Variants in TTLL11 observed in about 807,000 individuals in gnomAD.
The protein encoded by TTLL11 is tubulin tyrosine ligase like 11, also known as tubulin polyglutamylase TTLL11.
Under a neutral mutation model 51.7 loss-of-function variants are expected in TTLL11, and 42 were observed. The observed-to-expected ratio is 0.81, with a 90% confidence interval of 0.64 to 1.05. The LOEUF (loss-of-function observed/expected upper bound fraction) is 1.05. Ranked by LOEUF, TTLL11 falls within the 50% of genes least tolerant of loss-of-function variation. TTLL11 has a pLI of 0.00. For synonymous variants in TTLL11, 381 were observed against 383.5 expected (o/e 0.99, Z 0.08); for missense variants, 799 against 940.4 (o/e 0.85, Z 1.97).
intron 8 of TTLL11, among the ~76,000 whole-genome samples, chr9:121,841,346 G>A (rs573602577): frequency 6.6e-6 from 1 of 152,254 alleles, no homozygotes; most frequent in African/African-American, 2.4e-5. Context: ...ACCCTCCAGC[G>A]CCCATTCAGA....
chr9:122,005,247 G>A (rs1843609668), intron 3 of TTLL11, among the ~76,000 whole-genome samples: 1 of 152,144 alleles, frequency 6.6e-6, no homozygotes, highest in South Asian at 2.1e-4. Context: ...TGGCCTGGAT[G>A]GTCTCTCAGG....
chr9:121,929,686 C>T (rs1840895382), intron 6 of TTLL11, among the ~76,000 whole-genome samples: 1 of 152,170 alleles, frequency 6.6e-6, no homozygotes, highest in South Asian at 2.1e-4. Context: ...CAAGGCAAGG[C>T]CTTAAGGACA....
chr9:121,987,157 AG>A (rs1188052664), intron 4 of TTLL11, among the ~76,000 whole-genome samples: 2 of 152,170 alleles, frequency 1.3e-5, no homozygotes, highest in African/African-American at 4.8e-5. Flanking sequence ...CATAAAATTC[AG>A]GGTAATGTCT....
chr9:122,077,650 C>T (rs948835808), intron 1 of TTLL11, among the ~76,000 whole-genome samples: 2 of 151,796 alleles, frequency 1.3e-5, no homozygotes, highest in Admixed American at 1.3e-4. Flanking sequence ...TAATCTAACA[C>T]ACATATGTAA....
chr9:122,090,559 C>T (rs771804022), intron 1 of TTLL11, among the ~76,000 whole-genome samples: 36 of 152,208 alleles, frequency 2.4e-4, no homozygotes, highest in Non-Finnish European at 5.3e-4. Flanking sequence ...GGTTTATTTC[C>T]TCCAGGAAGT....
intron 4 of TTLL11, 30 bp from the exon 5 acceptor site, chr9:121,975,009 C>T (rs1487414143): frequency 9.6e-6 from 14 of 1,456,612 alleles, no homozygotes; most frequent in Admixed American, 2.5e-5. Context: ...TTCAGAATTA[C>T]TGTCTCTATT....
At chr9:122,032,492 C>T (rs1029106434) in intron 2 of TTLL11, among the ~76,000 whole-genome samples, 6 of 152,000 alleles carry the variant, frequency 3.9e-5, no homozygotes, top group Non-Finnish European at 2.9e-5. Context: ...TGACATTGAT[C>T]CTATCTCATT....
chr9:121,909,413 C>T (rs192733600), intron 6 of TTLL11, among the ~76,000 whole-genome samples: 1 of 152,192 alleles, frequency 6.6e-6, no homozygotes, highest in Non-Finnish European at 1.5e-5. Context: ...CAGGCCTGCA[C>T]TAAATCAAGC....
chr9:121,961,536 C>A lies in TTLL11; in HGVS notation c.1481+12473G>T, dbSNP rs1191485495. Among the ~76,000 whole-genome samples, 4 of 152,194 alleles carry A rather than the reference C, an allele frequency of 2.6e-5. No individual in the cohort carries two copies. In the East Asian group the frequency reaches 7.7e-4, roughly 29 times the overall value. The stretch of plus-strand genomic sequence containing the variant: ...AGGGTCCCAACCCTCACCCACTCCA[C>A]TCTTCTACTCTACATTGAAAACCAG... On this transcript the variant is annotated intron_variant, in intron 6 of 8. Transcript: ENST00000321582.
chr9:121,865,382 G>C (rs947577716), intron 7 of TTLL11, among the ~76,000 whole-genome samples: 1 of 152,168 alleles, frequency 6.6e-6, no homozygotes, highest in African/African-American at 2.4e-5. Context: ...AAGCCACCCA[G>C]TGGGAGAACC....
chr9:121,824,465 C>G (rs34157367), intron 8 of TTLL11, among the ~76,000 whole-genome samples: 30,523 of 130,798 alleles, frequency 0.23, 3,649 homozygotes, highest in Middle Eastern at 0.4. Flanking sequence ...ACAGACAGAG[C>G]GAGACTCCAT....
At chr9:122,069,020 A>C (rs777518260) in intron 1 of TTLL11, among the ~76,000 whole-genome samples, 22 of 152,238 alleles carry the variant, frequency 1.4e-4, no homozygotes, top group Non-Finnish European at 2.9e-5. Flanking sequence ...AAAGTGGCGC[A>C]TATCACAAGA....
intron 4 of TTLL11, among the ~76,000 whole-genome samples, chr9:121,978,492 TATTG>T (rs1164840247): frequency 1.7e-5 from 2 of 114,504 alleles, no homozygotes; most frequent in South Asian, 2.8e-4. Context: ...TTTATTTATT[TATTG>T]AAAATTCACT....
chr9:121,832,441 A>G (rs554126842), intron 8 of TTLL11, among the ~76,000 whole-genome samples: 1 of 152,328 alleles, frequency 6.6e-6, no homozygotes, highest in East Asian at 1.9e-4. Context: ...GTAATCATTC[A>G]TATTTATTTA....
At position 121,993,535 on chromosome 9, in the gene TTLL11, C is replaced by T. The variant is rs116395666; in HGVS notation, c.694-3765G>A. Among the ~76,000 whole-genome samples the T allele has an allele frequency of 6.4e-3, 979 of 152,310 alleles. 10 individuals are homozygous for T. Among genetic ancestry groups the T allele is most frequent in the African/African-American group, 0.023 (952 of 41,562 alleles). On this transcript the variant is annotated intron_variant, in intron 3 of 8. Transcript: ENST00000321582. ...TTCCGCCAGCGAGCAAATGCTGAAC[C>T]ATGATTTATCTTGATATCACCACAG...
chr9:122,074,144 C>T (rs569435641), intron 1 of TTLL11, among the ~76,000 whole-genome samples: 18 of 152,062 alleles, frequency 1.2e-4, no homozygotes, highest in African/African-American at 2.4e-4. Context: ...TGTGGTGGTG[C>T]GCACATATAA....
intron 2 of TTLL11, among the ~76,000 whole-genome samples, chr9:122,038,630 C>A (rs1336917704): frequency 1.3e-5 from 2 of 152,082 alleles, no homozygotes; most frequent in Non-Finnish European, 1.5e-5. Flanking sequence ...GTATGAGTGA[C>A]CAAGCGAGAC....
rs142564192 is a variant in TTLL11, at chr9:121,973,716, A to T, written c.1481+293T>A. 4.2e-3 allele frequency among the ~76,000 whole-genome samples: 643 copies of T among 152,272 alleles called. 3 individuals are homozygous for T. The highest frequency in any genetic ancestry group is 0.015 in the African/African-American group (604 of 41,536). On this transcript the variant is annotated intron_variant, in intron 6 of 8. Coordinates refer to ENST00000321582, the MANE Select transcript of TTLL11 (RefSeq NM_001139442.2). ...TATGTAACAAACCTGCACGTTGTGC[A>T]CATGTACCCTAAAACTTAAAGTATA...
chr9:122,093,089 A>C lies in TTLL11; in HGVS notation c.60T>G (p.Ala20=). 1 of 1,503,078 alleles carries C rather than the reference A, an allele frequency of 6.7e-7. No homozygotes were observed. Among genetic ancestry groups the C allele is most frequent in the Non-Finnish European group, 8.8e-7 (1 of 1,133,334 alleles). 93.1% of individuals were successfully genotyped at this position (1,503,078 alleles called of 1,614,324 possible). Residue 20 remains alanine, a synonymous_variant, in exon 1 of 9, where the codon GCT becomes GCG. Coordinates refer to ENST00000321582, the MANE Select transcript of TTLL11 (RefSeq NM_001139442.2). The part of the protein sequence containing the change: ...LAARWEAEAV[A]AAKAAAKAEA... The stretch of plus-strand genomic sequence containing the variant: ...CAGCTTTGGCCGCCGCTTTGGCCGC[A>C]GCCACCGCCTCCGCCTCCCACCGGG...
Sources: allele counts gnomAD v4.1 joint callset (sites outside exome capture counted in the v4.1 genomes callset), GRCh38; gene constraint gnomAD v4.1.1; transcripts MANE v1.5; gene names NCBI Gene and HGNC (gene_info 2026-07-23, HGNC 2026-07-21).